TRPA1: variants seen among roughly 807,000 people sequenced by gnomAD.
TRPA1 encodes the protein ankyrin-like with transmembrane domains 1.
In TRPA1, 129 loss-of-function variants were observed where a neutral mutation model predicts 131.3. The ratio of observed to expected loss-of-function variants is 0.98; its 90% CI spans 0.85 to 1.14. TRPA1 has a LOEUF of 1.14. TRPA1 is among the 50% of genes most tolerant of loss of function. The probability of loss-of-function intolerance (pLI) is 0.00; values close to 1 mark genes in which losing one functional copy is unlikely to be tolerated. For synonymous variants in TRPA1, 441 were observed against 451.7 expected (o/e 0.98, Z 0.30); for missense variants, 1,304 against 1,354.2 (o/e 0.96, Z 0.58).
rs764511561 is a variant in TRPA1 at position 72,052,735 on chromosome 8, C to T, written c.1675G>A (p.Gly559Ser). The T allele has an allele frequency of 3.1e-6, 5 of 1,613,454 alleles. No homozygotes were observed. The South Asian group carries it at 5.5e-5, about 18-fold the overall frequency. ...AGAAGCGCAACGGCTTTGGCGTGGCCTTCCCTTGCAGCAAAGTGAAGTGCA... is the reference window on the plus strand; with the variant it reads ...AGAAGCGCAACGGCTTTGGCGTGGCTTTCCCTTGCAGCAAAGTGAAGTGCA... ...NTALHFAARE[G>S]HAKAVALLLS... The change falls in exon 14 of 27, where the codon GGC becomes AGC. Residue 559 changes from glycine (G) to serine (S), a missense_variant. Transcript: ENST00000262209.
the TRPA1 span, among the ~76,000 whole-genome samples, chr8:72,089,092 C>A: frequency 6.6e-6 from 1 of 151,928 alleles, no homozygotes; most frequent in Non-Finnish European, 1.5e-5. Context: ...GTATTAAATT[C>A]TTGTGACTAT....
chr8:72,030,439 C>A (rs1585839015), intron 23 of TRPA1, among the ~76,000 whole-genome samples: 1 of 152,154 alleles, frequency 6.6e-6, no homozygotes, highest in Non-Finnish European at 1.5e-5. Context: ...GGCATATAAT[C>A]TACTAGTAGT....
intron 7 of TRPA1, among the ~76,000 whole-genome samples, chr8:72,061,332 G>A (rs1348131022): frequency 1.3e-5 from 2 of 152,100 alleles, no homozygotes; most frequent in African/African-American, 2.4e-5. Context: ...TTGGAAGACC[G>A]TGTATGTAGA....
intron 17 of TRPA1, 57 bp downstream of exon 17, chr8:72,046,456 T>TAAA: frequency 3.8e-5 from 32 of 831,310 alleles, no homozygotes; most frequent in Admixed American, 5.7e-5. Context: ...TAAAGTATAA[T>TAAA]AAAAAAAAAA....
At chr8:72,069,824 A>C (rs990711307) in intron 2 of TRPA1, among the ~76,000 whole-genome samples, 3 of 152,136 alleles carry the variant, frequency 2.0e-5, no homozygotes, top group Non-Finnish European at 4.4e-5. Flanking sequence ...CGAGAGAGAG[A>C]GAGACCTTGT....
At chr8:72,033,613 C>A in intron 23 of TRPA1, 31 bp downstream of exon 23, 1 of 1,581,980 alleles carries the variant, frequency 6.3e-7, no homozygotes, top group Non-Finnish European at 8.7e-7. Context: ...AAATGATCAA[C>A]AAACAGAAAA....
intron 21 of TRPA1, 25 bp downstream of exon 21, chr8:72,036,263 T>G: frequency 6.2e-7 from 1 of 1,611,480 alleles, no homozygotes; most frequent in South Asian, 1.1e-5. Flanking sequence ...TTAAAGGATG[T>G]GGAAATAATT....
intron 7 of TRPA1, among the ~76,000 whole-genome samples, chr8:72,061,134 T>C (rs1324507129): frequency 6.6e-6 from 1 of 152,236 alleles, no homozygotes; most frequent in Non-Finnish European, 1.5e-5. Context: ...TCAAATAAAT[T>C]TGTTATTGTT....
At chr8:72,082,116 G>A in the TRPA1 span, among the ~76,000 whole-genome samples, 1 of 151,726 alleles carries the variant, frequency 6.6e-6, no homozygotes, top group South Asian at 2.1e-4. Flanking sequence ...TAATTCATCG[G>A]TAGATTGTTT....
At chr8:72,082,544 G>A in the TRPA1 span, among the ~76,000 whole-genome samples, 1 of 152,028 alleles carries the variant, frequency 6.6e-6, no homozygotes, top group African/African-American at 2.4e-5. Flanking sequence ...AATAAGGCAA[G>A]TCTGCTTGGA....
At chr8:72,068,957 A>G (rs1805991183) in intron 3 of TRPA1, 66 bp downstream of exon 3, 4 of 1,540,370 alleles carry the variant, frequency 2.6e-6, no homozygotes, top group Non-Finnish European at 1.8e-6. Flanking sequence ...AAGCAGAGAG[A>G]GCTGGATCTG....
At chr8:72,080,647 TA>T in the TRPA1 span, among the ~76,000 whole-genome samples, 16 of 148,902 alleles carry the variant, frequency 1.1e-4, no homozygotes, top group African/African-American at 2.8e-4. Flanking sequence ...ATATTGGTAT[TA>T]TTTTTTTTAA....
At chr8:72,075,802 A>C (rs923133277), upstream of TRPA1, among the ~76,000 whole-genome samples, 4 of 151,748 alleles carry the variant, frequency 2.6e-5, no homozygotes, top group Non-Finnish European at 5.9e-5. Context: ...TGGATTGCAG[A>C]GAATTTGTTA....
Position 72,042,407 on chromosome 8 carries a change from A to T in TRPA1, c.2062-2610T>A, listed in dbSNP as rs529572874. 9.2e-5 allele frequency among the ~76,000 whole-genome samples: 14 copies of T among 152,046 alleles called. No homozygotes were observed. In the South Asian group the frequency reaches 2.9e-3, roughly 31 times the overall value. On this transcript the variant is annotated intron_variant, in intron 17 of 26. Coordinates refer to ENST00000262209, the MANE Select transcript of TRPA1 (RefSeq NM_007332.3). ...AGGTTGGCCACTATCAAAAGAACAAAAAATAACAAGTATTGGTGAGCATGC... is the reference window on the plus strand; with the variant it reads ...AGGTTGGCCACTATCAAAAGAACAATAAATAACAAGTATTGGTGAGCATGC...
Position 72,052,651 on chromosome 8 carries a change from C to T in TRPA1, c.1759G>A (p.Ala587Thr), listed in dbSNP as rs1447218092. The change falls in exon 14 of 27, where the codon GCA becomes ACA. Residue 587 changes from alanine to threonine, a missense_variant. Coordinates refer to ENST00000262209, the MANE Select transcript of TRPA1 (RefSeq NM_007332.3). ...ACCTCCTTCCTCTTATTGTGAAGTG[C>T]AAGGTGCAAAAAGGAGGCCTGCTGC... is the stretch of plus-strand genomic sequence containing the variant. ...NKQQASFLHL[A>T]LHNKRKEVVL... 2 of 1,613,750 alleles carry T rather than the reference C, an allele frequency of 1.2e-6. No individual in the cohort carries two copies. Among genetic ancestry groups the T allele is most frequent in the Admixed American group, 1.7e-5 (1 of 59,968 alleles).
chr8:72,069,770 T>C (rs2129436618), intron 2 of TRPA1, among the ~76,000 whole-genome samples: 1 of 151,884 alleles, frequency 6.6e-6, no homozygotes. Flanking sequence ...CATATATTCA[T>C]ATACCTACAC....
At chr8:72,047,616 C>T (rs896362829) in intron 15 of TRPA1, among the ~76,000 whole-genome samples, 1 of 152,080 alleles carries the variant, frequency 6.6e-6, no homozygotes, top group African/African-American at 2.4e-5. Flanking sequence ...TGAGCACCCA[C>T]ATATTTCCAT....
chr8:72,044,518 G>A (rs962760944), intron 17 of TRPA1, among the ~76,000 whole-genome samples: 3 of 151,962 alleles, frequency 2.0e-5, no homozygotes, highest in Non-Finnish European at 2.9e-5. Context: ...AGGCATGCAA[G>A]TACATTGTTA....
the TRPA1 span, among the ~76,000 whole-genome samples, chr8:72,083,658 G>T: frequency 6.6e-6 from 1 of 152,072 alleles, no homozygotes; most frequent in Non-Finnish European, 1.5e-5. Context: ...CAGGAGAATG[G>T]CATGAACCCT....
Sources: gnomAD v4.1 joint callset for allele counts (sites outside exome capture counted in the v4.1 genomes callset) on GRCh38, gnomAD v4.1.1 for gene constraint, MANE v1.5 for transcripts, NCBI Gene and HGNC (gene_info 2026-07-23, HGNC 2026-07-21) for gene names.